The following CNTNAP2 variants were observed in gnomAD, a reference collection of about 807,000 sequenced individuals.
CNTNAP2 encodes the protein contactin associated protein 2, also known as contactin-associated protein-like 2.
CNTNAP2 carries 98 observed loss-of-function variants against 155.2 expected under a neutral mutation model. That is an observed-to-expected ratio of 0.63 (90% CI 0.54 to 0.75). CNTNAP2 has a LOEUF of 0.75. Ranked by LOEUF, CNTNAP2 falls within the 30% of genes least tolerant of loss-of-function variation. CNTNAP2 has a pLI of 0.00. For missense variants in CNTNAP2, 1,727 were observed against 1,688.1 expected, an observed-to-expected ratio of 1.02 and a Z score of -0.40; for synonymous variants, 651 against 631.2, an observed-to-expected ratio of 1.03 and a Z score of -0.47.
chr7:147,990,747 C>G (rs1404895559), intron 15 of CNTNAP2, among the ~76,000 whole-genome samples: 1 of 152,110 alleles, frequency 6.6e-6, no homozygotes, highest in Non-Finnish European at 1.5e-5. Flanking sequence ...TCAAGAATTC[C>G]CTACTCTTCT....
intron 1 of CNTNAP2, among the ~76,000 whole-genome samples, chr7:146,642,142 ATTTT>A (rs1270488255): frequency 6.6e-6 from 1 of 151,374 alleles, no homozygotes; most frequent in Non-Finnish European, 1.5e-5. Flanking sequence ...TTATTTTTTT[ATTTT>A]TTATTTTTAT....
chr7:147,941,679 TTG>T (rs1211436034), intron 14 of CNTNAP2, among the ~76,000 whole-genome samples: 1 of 152,230 alleles, frequency 6.6e-6, no homozygotes, highest in East Asian at 1.9e-4. Context: ...ATGTAATTAG[TTG>T]TGTTTTTAAT....
chr7:146,411,405 C>G (rs1161314719), intron 1 of CNTNAP2, among the ~76,000 whole-genome samples: 1 of 152,032 alleles, frequency 6.6e-6, no homozygotes, highest in Non-Finnish European at 1.5e-5. Context: ...ATCTGCCAGC[C>G]TCGGCCTCCC....
At chr7:147,484,048 C>T (rs1303113503) in intron 10 of CNTNAP2, among the ~76,000 whole-genome samples, 1 of 152,140 alleles carries the variant, frequency 6.6e-6, no homozygotes, top group Non-Finnish European at 1.5e-5. Flanking sequence ...CTTGTAACTC[C>T]TCTAGTATCC....
At chr7:147,928,613 T>A (rs968541629) in intron 14 of CNTNAP2, among the ~76,000 whole-genome samples, 11 of 152,298 alleles carry the variant, frequency 7.2e-5, no homozygotes, top group Non-Finnish European at 1.2e-4. Flanking sequence ...AAGGAAGTTA[T>A]GTTTTTGGTA....
intron 22 of CNTNAP2, among the ~76,000 whole-genome samples, chr7:148,397,830 G>A (rs2116693671): frequency 6.6e-6 from 1 of 152,320 alleles, no homozygotes; most frequent in South Asian, 2.1e-4. Flanking sequence ...TGTTTCATCA[G>A]TTTCTCCTTG....
In CNTNAP2 at chr7:147,047,132, G is replaced by A. The variant is rs1371076047; in HGVS notation, c.550+3078G>A. Among the ~76,000 whole-genome samples, 10 of 111,650 alleles carry A rather than the reference G, an allele frequency of 9.0e-5. No homozygotes were observed. The South Asian group carries it at 9.2e-4, about 10-fold the overall frequency. 73.2% of individuals were successfully genotyped at this position (111,650 alleles called of 152,430 possible). On this transcript the variant is annotated intron_variant, in intron 4 of 23. Transcript: ENST00000361727. ...TTTTTTTTTTTTTTTTTTTTGAGAC[G>A]TAGTCTCGATTTGCCACCCAGGCTG...
At chr7:146,447,180 A>G (rs1796414289) in intron 1 of CNTNAP2, among the ~76,000 whole-genome samples, 1 of 152,050 alleles carries the variant, frequency 6.6e-6, no homozygotes, top group Non-Finnish European at 1.5e-5. Flanking sequence ...GAACAAATGG[A>G]TGTATTAATA....
chr7:147,181,923 G>A (rs1207689140), intron 8 of CNTNAP2, among the ~76,000 whole-genome samples: 1 of 151,818 alleles, frequency 6.6e-6, no homozygotes, highest in Non-Finnish European at 1.5e-5. Context: ...TCAGTAGTTC[G>A]AGACCAGCCT....
intron 4 of CNTNAP2, among the ~76,000 whole-genome samples, chr7:147,062,127 CAAAAAAA>C (rs869125044): frequency 1.2e-3 from 55 of 44,898 alleles, no homozygotes; most frequent in East Asian, 2.7e-3. Context: ...GACTCCGTCT[CAAAAAAA>C]AAAAAAAAAA....
intron 15 of CNTNAP2, among the ~76,000 whole-genome samples, chr7:147,993,095 C>T (rs1340588775): frequency 6.6e-6 from 1 of 152,164 alleles, no homozygotes; most frequent in African/African-American, 2.4e-5. Context: ...AACCAGTTCA[C>T]GACGTCAGGA....
At chr7:148,104,329 G>C (rs528027675) in intron 15 of CNTNAP2, among the ~76,000 whole-genome samples, 7 of 152,326 alleles carry the variant, frequency 4.6e-5, no homozygotes, top group African/African-American at 1.7e-4. Context: ...CCTGGGTATA[G>C]AGCAGTTTCC....
At chr7:146,920,271 G>C (rs562870191) in intron 3 of CNTNAP2, among the ~76,000 whole-genome samples, 1 of 151,930 alleles carries the variant, frequency 6.6e-6, no homozygotes, top group Non-Finnish European at 1.5e-5. Context: ...AAAATTAGTC[G>C]ATCATGGTGG....
At chr7:146,230,380 T>C (rs559178952) in intron 1 of CNTNAP2, among the ~76,000 whole-genome samples, 1 of 152,320 alleles carries the variant, frequency 6.6e-6, no homozygotes, top group East Asian at 1.9e-4. Flanking sequence ...AAACCTGATA[T>C]CTTTCTAGAA....
At position 147,108,314 on chromosome 7, in the gene CNTNAP2, C is replaced by G. The variant is rs538043826; in HGVS notation, c.718C>G (p.Leu240Val). Residue 240 changes from leucine (L) to valine (V), a missense_variant, in exon 5 of 24, where the codon CTG becomes GTG. By Grantham distance (32) the Leu-to-Val change is conservative. Transcript: ENST00000361727. ...GQQGDYITLE[L>V]KKAKLVLSLN... ...GCAAGGAGATTACATTACCTTGGAA[C>G]TGAAAAAAGCCAAGCTGGTCCTCAG... The G allele has an allele frequency of 1.2e-6, 2 of 1,613,446 alleles. No individual in the cohort carries two copies. Among genetic ancestry groups the G allele is most frequent in the Non-Finnish European group, 1.7e-6 (2 of 1,179,676 alleles).
At chr7:146,231,205 G>T (rs1052070611) in intron 1 of CNTNAP2, among the ~76,000 whole-genome samples, 2 of 152,068 alleles carry the variant, frequency 1.3e-5, no homozygotes, top group Admixed American at 1.3e-4. Flanking sequence ...TTGGAAAATA[G>T]ATATGGATCA....
intron 14 of CNTNAP2, among the ~76,000 whole-genome samples, chr7:147,970,122 G>T (rs1801308895): frequency 6.6e-6 from 1 of 151,410 alleles, no homozygotes; most frequent in Admixed American, 6.6e-5. Context: ...TAGAGACAGG[G>T]TCTCACCATT....
chr7:148,191,373 T>A (rs117412650), intron 18 of CNTNAP2, among the ~76,000 whole-genome samples: 5 of 152,294 alleles, frequency 3.3e-5, no homozygotes, highest in Non-Finnish European at 5.9e-5. Context: ...CAAGATGCCA[T>A]CCTCTTGATC....
intron 1 of CNTNAP2, among the ~76,000 whole-genome samples, chr7:146,436,725 G>A (rs1796248928): frequency 6.6e-6 from 1 of 151,860 alleles, no homozygotes; most frequent in Non-Finnish European, 1.5e-5. Flanking sequence ...GAAGGATGCA[G>A]TATGAAAACA....
Sources: gnomAD v4.1 joint callset for allele counts (sites outside exome capture counted in the v4.1 genomes callset) on GRCh38, gnomAD v4.1.1 for gene constraint, MANE v1.5 for transcripts, NCBI Gene and HGNC (gene_info 2026-07-23, HGNC 2026-07-21) for gene names.